The following CSMD1 variants were observed in gnomAD, a reference collection of about 807,000 sequenced individuals.
The protein encoded by CSMD1 is CUB and sushi domain-containing protein 1.
In CSMD1, 213 loss-of-function variants were observed where a neutral mutation model predicts 417.5. The ratio of observed to expected loss-of-function variants is 0.51; its 90% CI spans 0.46 to 0.57. CSMD1 has a LOEUF of 0.57. Among genes scored for constraint, CSMD1 ranks in the 20% least tolerant of loss-of-function variants. The pLI, the probability that CSMD1 is intolerant of heterozygous loss-of-function variation, is 0.00. For missense variants in CSMD1, 6,923 were observed against 4,529.7 expected, an observed-to-expected ratio of 1.53 and a Z score of -15.17; for synonymous variants, 2,862 against 1,736.8, an observed-to-expected ratio of 1.65 and a Z score of -16.11.
Position 3,859,631 on chromosome 8 carries a change from T to C in CSMD1, c.819-105589A>G, listed in dbSNP as rs983136805. On this transcript the variant is annotated intron_variant, in intron 5 of 69. Transcript: ENST00000635120. Reference sequence around the variant, plus strand: ...TTTATGGTGGGAGCTTTGGTTTACATGACGTCAGTTGACCTGAAGAGTGAG... The same window carrying C: ...TTTATGGTGGGAGCTTTGGTTTACACGACGTCAGTTGACCTGAAGAGTGAG... Among the ~76,000 whole-genome samples the C allele has an allele frequency of 3.3e-5, 5 of 152,274 alleles. No homozygotes were observed. The East Asian group carries it at 9.7e-4, about 29-fold the overall frequency.
Position 3,759,551 on chromosome 8 carries a change from G to C in CSMD1, c.819-5509C>G, listed in dbSNP as rs747799991. On this transcript the variant is annotated intron_variant, in intron 5 of 69. Transcript: ENST00000635120. ...AATGAAAGAGATTATGGGGCAAATG[G>C]TGGAAAATGGGCATGAACAGAGACA... Among the ~76,000 whole-genome samples the C allele has an allele frequency of 2.2e-4, 33 of 151,934 alleles. 1 individual carries two copies. The highest frequency in any genetic ancestry group is 8.0e-4 in the African/African-American group (33 of 41,352).
intron 10 of CSMD1, among the ~76,000 whole-genome samples, chr8:3,494,133 T>C (rs948716220): frequency 5.3e-5 from 8 of 152,226 alleles, no homozygotes; most frequent in Admixed American, 3.3e-4. Context: ...ATTTTTAAAG[T>C]TCTATATGCA....
intron 12 of CSMD1, among the ~76,000 whole-genome samples, chr8:3,458,817 G>A (rs1175304515): frequency 1.3e-5 from 2 of 152,174 alleles, no homozygotes. Context: ...GGAGAAACAG[G>A]ATTGAATAAA....
chr8:4,248,255 A>T (rs970165076), intron 3 of CSMD1, among the ~76,000 whole-genome samples: 1 of 152,142 alleles, frequency 6.6e-6, no homozygotes, highest in African/African-American at 2.4e-5. Context: ...AGGAACATTC[A>T]AGTCTTAATT....
chr8:3,939,266 A>G (rs1810712410), intron 5 of CSMD1, among the ~76,000 whole-genome samples: 2 of 152,172 alleles, frequency 1.3e-5, no homozygotes, highest in South Asian at 4.1e-4. Context: ...AAAATGCTCA[A>G]CATCATTAAT....
At chr8:3,434,568 T>A (rs1439635543) in intron 12 of CSMD1, among the ~76,000 whole-genome samples, 1 of 152,230 alleles carries the variant, frequency 6.6e-6, no homozygotes, top group Non-Finnish European at 1.5e-5. Flanking sequence ...ATAGTGAACA[T>A]AATTTAGATT....
At chr8:4,069,549 C>T (rs569031525) in intron 3 of CSMD1, among the ~76,000 whole-genome samples, 9 of 152,264 alleles carry the variant, frequency 5.9e-5, no homozygotes, top group East Asian at 3.9e-4. Flanking sequence ...CCTCCCTCTC[C>T]GCCTCCCATT....
At position 2,982,489 on chromosome 8, in the gene CSMD1, G is replaced by A. The variant is rs149717834; in HGVS notation, c.8378-3689C>T. 6.6e-3 allele frequency among the ~76,000 whole-genome samples: 1,001 copies of A among 152,312 alleles called. 6 individuals carry two copies. The highest frequency in any genetic ancestry group is 0.02 in the African/African-American group (842 of 41,562). On this transcript the variant is annotated intron_variant, in intron 54 of 69. Coordinates refer to ENST00000635120, the MANE Select transcript of CSMD1 (RefSeq NM_033225.6). ...TGTCCCCATTCTCAGTTAAGTGAAC[G>A]TACTGATCGCCTGATGAAGGAAGCC...
chr8:4,262,972 A>G (rs570959190), intron 3 of CSMD1, among the ~76,000 whole-genome samples: 1 of 152,206 alleles, frequency 6.6e-6, no homozygotes, highest in African/African-American at 2.4e-5. Context: ...TCCAAGTAGA[A>G]TCACATTTTA....
intron 1 of CSMD1, among the ~76,000 whole-genome samples, chr8:4,838,684 G>T (rs527685585): frequency 6.6e-6 from 1 of 152,314 alleles, no homozygotes; most frequent in South Asian, 2.1e-4. Flanking sequence ...ATTTATAAGA[G>T]ACCTTTATTT....
At chr8:4,755,015 G>A (rs150901226) in intron 1 of CSMD1, among the ~76,000 whole-genome samples, 1 of 152,110 alleles carries the variant, frequency 6.6e-6, no homozygotes, top group East Asian at 1.9e-4. Flanking sequence ...GCATGTGCCT[G>A]TGATCCCAGC....
At chr8:3,682,625 A>T (rs552671047) in intron 7 of CSMD1, among the ~76,000 whole-genome samples, 2 of 152,192 alleles carry the variant, frequency 1.3e-5, no homozygotes, top group Non-Finnish European at 2.9e-5. Flanking sequence ...ATTGTGGAAG[A>T]CAGTGTGGTG....
intron 1 of CSMD1, among the ~76,000 whole-genome samples, chr8:4,667,432 A>G (rs752082636): frequency 9.2e-5 from 14 of 151,420 alleles, no homozygotes; most frequent in Non-Finnish European, 1.8e-4. Flanking sequence ...AATCCAGAGA[A>G]CAATTTAGAA....
At chr8:4,010,096 T>G (rs1436657115) in intron 4 of CSMD1, among the ~76,000 whole-genome samples, 2 of 152,186 alleles carry the variant, frequency 1.3e-5, no homozygotes, top group African/African-American at 4.8e-5. Context: ...TTCTGACATA[T>G]TTTCCTTCCC....
chr8:4,032,069 C>G lies in CSMD1; in HGVS notation c.446G>C (p.Gly149Ala), dbSNP rs369926934. 1.2e-6 allele frequency: 2 copies of G among 1,612,618 alleles called. No individual in the cohort carries two copies. The highest frequency in any genetic ancestry group is 1.7e-5 in the Admixed American group (1 of 59,906). Residue 149 changes from glycine to alanine, a missense_variant, in exon 4 of 70, where the codon GGA becomes GCA. Transcript: ENST00000635120. ...VLPSHTCGNP[G>A]EILKGVLHGT... Reference sequence around the variant, plus strand: ...ATGCAGAACTCCTTTCAGGATTTCTCCAGGATTTCCACAAGTGTGGCTAGG... The same window carrying G: ...ATGCAGAACTCCTTTCAGGATTTCTGCAGGATTTCCACAAGTGTGGCTAGG...
chr8:3,945,814 C>T (rs769936834), intron 5 of CSMD1, among the ~76,000 whole-genome samples: 1 of 152,084 alleles, frequency 6.6e-6, no homozygotes, highest in Non-Finnish European at 1.5e-5. Flanking sequence ...CACACCAACA[C>T]ACACATGAGG....
chr8:3,579,779 A>C (rs1421844356), intron 9 of CSMD1, among the ~76,000 whole-genome samples: 4 of 152,188 alleles, frequency 2.6e-5, no homozygotes, highest in Non-Finnish European at 5.9e-5. Flanking sequence ...TGAATAAAAG[A>C]AGACAATAAA....
intron 5 of CSMD1, among the ~76,000 whole-genome samples, chr8:3,757,938 C>T (rs1191748904): frequency 6.6e-6 from 1 of 152,026 alleles, no homozygotes; most frequent in Non-Finnish European, 1.5e-5. Context: ...TAGTGTAATT[C>T]AGGTTTAAAA....
chr8:3,988,593 G>C (rs1000126336), intron 5 of CSMD1, among the ~76,000 whole-genome samples: 6 of 152,180 alleles, frequency 3.9e-5, no homozygotes, highest in African/African-American at 1.4e-4. Context: ...TCTCCAGTGA[G>C]TCCTGTGCAC....
Sources: allele counts gnomAD v4.1 joint callset (sites outside exome capture counted in the v4.1 genomes callset), GRCh38; gene constraint gnomAD v4.1.1; transcripts MANE v1.5; gene names NCBI Gene and HGNC (gene_info 2026-07-23, HGNC 2026-07-21).